The following GTF2A2 variants were observed in gnomAD, a reference collection of about 807,000 sequenced individuals.
GTF2A2 encodes transcription initiation factor IIA subunit 2.
In GTF2A2, 9 loss-of-function variants were observed where a neutral mutation model predicts 14.3. The observed-to-expected ratio is 0.63, with a 90% CI of 0.38 to 1.10. The LOEUF is 1.10. Ranked by LOEUF, GTF2A2 falls within the 50% of genes least tolerant of loss-of-function variation. The probability of loss-of-function intolerance (pLI) is 0.01; values close to 1 mark genes in which losing one functional copy is unlikely to be tolerated. For synonymous variants in GTF2A2, 56 were observed against 46.0 expected, an observed-to-expected ratio of 1.22 and a Z score of -0.88; for missense variants, 90 against 124.6, an observed-to-expected ratio of 0.72 and a Z score of 1.32.
Position 59,638,489 on chromosome 15 carries a change from T to G in GTF2A2, c.*643A>C, listed in dbSNP as rs560852239. The G allele has an allele frequency of 6.6e-6, 1 of 152,310 alleles. No individual in the cohort carries two copies. Among genetic ancestry groups the G allele is most frequent in the African/African-American group, 2.4e-5 (1 of 41,430 alleles). The allele number at this position is 152,310 out of a possible 1,614,324, so 9.4% of individuals were successfully genotyped here. A position where few individuals can be genotyped will look rare whatever the true frequency, so the allele number is the denominator to read the frequency against. ...ATCAATATGGCAAGCTGAAGACACCTGTCATGTGGGGGGACTATTTTGTTT... is the reference window on the plus strand; with the variant it reads ...ATCAATATGGCAAGCTGAAGACACCGGTCATGTGGGGGGACTATTTTGTTT... On this transcript the variant is annotated 3_prime_UTR_variant, in exon 5 of 5. Coordinates refer to ENST00000396060, the MANE Select transcript of GTF2A2 (RefSeq NM_004492.3).
intron 1 of GTF2A2, among the ~76,000 whole-genome samples, chr15:59,654,996 A>ATATAC (rs1891901050): frequency 6.6e-6 from 1 of 152,138 alleles, no homozygotes; most frequent in Non-Finnish European, 1.5e-5. Flanking sequence ...ACCTGTACCC[A>ATATAC]TATACTCTCC....
At chr15:59,647,864 C>T (rs1307409124) in intron 3 of GTF2A2, among the ~76,000 whole-genome samples, 1 of 152,090 alleles carries the variant, frequency 6.6e-6, no homozygotes, top group Admixed American at 6.5e-5. Context: ...GCCACTGTAC[C>T]CAGCCTAAAA....
At chr15:59,656,628 G>A (rs1459536241) in intron 1 of GTF2A2, among the ~76,000 whole-genome samples, 2 of 152,158 alleles carry the variant, frequency 1.3e-5, no homozygotes, top group African/African-American at 4.8e-5. Flanking sequence ...ATATCAGTAA[G>A]TATAATATGC....
At chr15:59,655,768 T>C (rs115560013) in intron 1 of GTF2A2, among the ~76,000 whole-genome samples, 2,749 of 152,296 alleles carry the variant, frequency 0.018, 78 homozygotes, top group African/African-American at 0.062. Context: ...ATCTTTTGCA[T>C]CGTGGCTTAA....
At chr15:59,644,121 C>T (rs1443796577) in intron 3 of GTF2A2, among the ~76,000 whole-genome samples, 1 of 152,132 alleles carries the variant, frequency 6.6e-6, no homozygotes, top group Non-Finnish European at 1.5e-5. Flanking sequence ...TCTTAAACTT[C>T]TGACCTCAGG....
chr15:59,655,426 T>C (rs895739384), intron 1 of GTF2A2, among the ~76,000 whole-genome samples: 1 of 152,228 alleles, frequency 6.6e-6, no homozygotes, highest in African/African-American at 2.4e-5. Context: ...GCTAATTCTC[T>C]AGCCTCACTC....
intron 3 of GTF2A2, among the ~76,000 whole-genome samples, chr15:59,645,929 G>A (rs1203306860): frequency 6.6e-6 from 1 of 151,742 alleles, no homozygotes; most frequent in Admixed American, 6.6e-5. Context: ...AGCTACTCGG[G>A]AGGCTGAGGC....
intron 1 of GTF2A2, among the ~76,000 whole-genome samples, chr15:59,655,719 C>G (rs1433272259): frequency 6.6e-6 from 1 of 152,220 alleles, no homozygotes. Context: ...GAACTTCTCA[C>G]TCCTGAATCT....
chr15:59,648,361 T>C (rs538014166), intron 3 of GTF2A2, among the ~76,000 whole-genome samples: 22 of 142,432 alleles, frequency 1.5e-4, no homozygotes, highest in African/African-American at 5.3e-4. Flanking sequence ...TGAGCCGAGA[T>C]TGCGCCACTG....
intron 4 of GTF2A2, among the ~76,000 whole-genome samples, chr15:59,641,215 G>A (rs1321335441): frequency 8.5e-6 from 1 of 117,172 alleles, no homozygotes; most frequent in Non-Finnish European, 1.8e-5. Context: ...CTTAAGAGTA[G>A]TAAACTCAAA....
rs539151913 is a variant in GTF2A2, at chr15:59,642,093, C to A, written c.304+43G>T. 153 of 1,547,648 alleles carry A rather than the reference C, an allele frequency of 9.9e-5. 4 individuals are homozygous for A. The South Asian group carries it at 1.9e-3, about 19-fold the overall frequency. On this transcript the variant is annotated intron_variant, in intron 4 of 4. Coordinates refer to ENST00000396060, the MANE Select transcript of GTF2A2 (RefSeq NM_004492.3). ...CAGATCTTCTAAAGGCTCATAAAAACAAGGTTTCAAGTAGCTTTCACAGAA... is the reference window on the plus strand; with the variant it reads ...CAGATCTTCTAAAGGCTCATAAAAAAAAGGTTTCAAGTAGCTTTCACAGAA...
chr15:59,640,069 ACACTGCATTCTTTTCTG>A (rs1195519723), intron 4 of GTF2A2: 1 of 152,290 alleles, frequency 6.6e-6, no homozygotes, highest in Admixed American at 6.5e-5. Flanking sequence ...CAAACTTCTA[ACACTGCATTCTTTTCTG>A]CAGATATAAA....
intron 1 of GTF2A2, among the ~76,000 whole-genome samples, chr15:59,655,261 T>G (rs1891908988): frequency 6.6e-6 from 1 of 152,208 alleles, no homozygotes; most frequent in South Asian, 2.1e-4. Context: ...GCCAGCTACA[T>G]CCTATTTCTC....
chr15:59,655,681 C>T (rs1205541912), intron 1 of GTF2A2, among the ~76,000 whole-genome samples: 1 of 152,186 alleles, frequency 6.6e-6, no homozygotes, highest in Non-Finnish European at 1.5e-5. Flanking sequence ...AGTACCACTG[C>T]TGATGATCCC....
intron 4 of GTF2A2, among the ~76,000 whole-genome samples, chr15:59,641,382 C>T (rs866290574): frequency 6.6e-6 from 1 of 151,944 alleles, no homozygotes; most frequent in Non-Finnish European, 1.5e-5. Context: ...TTTGGAAATG[C>T]AAAATATATA....
At chr15:59,657,125 T>C (rs1388301215) in intron 1 of GTF2A2, 6 of 152,250 alleles carry the variant, frequency 3.9e-5, no homozygotes, top group African/African-American at 9.6e-5. Flanking sequence ...GACATTCACC[T>C]GGCTGAAAAT....
At chr15:59,649,226 G>A (rs921703643) in intron 3 of GTF2A2, among the ~76,000 whole-genome samples, 9 of 152,182 alleles carry the variant, frequency 5.9e-5, no homozygotes, top group African/African-American at 1.9e-4. Flanking sequence ...GTGATAAAAA[G>A]CGTGAGTTAG....
intron 3 of GTF2A2, among the ~76,000 whole-genome samples, chr15:59,646,011 G>A (rs1891593259): frequency 6.8e-6 from 1 of 147,836 alleles, no homozygotes; most frequent in Non-Finnish European, 1.5e-5. Flanking sequence ...TCCAGCTTGA[G>A]TGACAGAGTA....
At position 59,650,832 on chromosome 15, in the gene GTF2A2, T is replaced by C. The variant is rs1221910034; in HGVS notation, c.73-59A>G. ...GGAAGAACATTAAAGACAAAGTAAA[T>C]AAAAATATACAAATTATCATCTAAA... On this transcript the variant is annotated intron_variant, in intron 2 of 4. Coordinates refer to ENST00000396060, the MANE Select transcript of GTF2A2 (RefSeq NM_004492.3). The C allele has an allele frequency of 7.8e-6, 7 of 901,850 alleles. No homozygotes were observed. The Admixed American group carries it at 1.2e-4, about 16-fold the overall frequency. The allele number at this position is 901,850 out of a possible 1,614,324, so 55.9% of individuals were successfully genotyped here.
Sources: gnomAD v4.1 joint callset for allele counts (sites outside exome capture counted in the v4.1 genomes callset) on GRCh38, gnomAD v4.1.1 for gene constraint, MANE v1.5 for transcripts, NCBI Gene and HGNC (gene_info 2026-07-23, HGNC 2026-07-21) for gene names.